Variants in VPS35L observed in about 807,000 individuals in gnomAD.
VPS35L encodes VPS35 endosomal protein-sorting factor-like.
VPS35L carries 83 observed loss-of-function variants against 133.0 expected under a neutral mutation model. The ratio of observed to expected loss-of-function variants is 0.62; its 90% confidence interval spans 0.52 to 0.75. The LOEUF (loss-of-function observed/expected upper bound fraction) is 0.75. Among genes scored for constraint, VPS35L ranks in the 30% least tolerant of loss-of-function variants. VPS35L has a pLI of 0.00. For missense variants in VPS35L, 1,083 were observed against 1,206.8 expected (o/e 0.90, Z 1.52); for synonymous variants, 423 against 449.9 (o/e 0.94, Z 0.76).
At chr16:19,623,331 C>G (rs115053644) in intron 14 of VPS35L, among the ~76,000 whole-genome samples, 1,530 of 152,310 alleles carry the variant, frequency 0.01, 22 homozygotes, top group African/African-American at 0.034. Context: ...GGCTTGGAAA[C>G]TGCCACCTTC....
At chr16:19,592,495 G>T (rs1460211306) in intron 8 of VPS35L, among the ~76,000 whole-genome samples, 3 of 151,964 alleles carry the variant, frequency 2.0e-5, no homozygotes, top group Admixed American at 2.0e-4. Flanking sequence ...ACTGAACTTG[G>T]CATCTGTTCC....
chr16:19,687,955 T>C (rs1975521561), intron 28 of VPS35L, among the ~76,000 whole-genome samples: 1 of 151,104 alleles, frequency 6.6e-6, no homozygotes, highest in Admixed American at 6.6e-5. Context: ...TCTACAAAAA[T>C]ACAAAATGTA....
At chr16:19,558,711 C>G (rs543023164) in intron 1 of VPS35L, among the ~76,000 whole-genome samples, 2 of 151,734 alleles carry the variant, frequency 1.3e-5, no homozygotes, top group African/African-American at 4.8e-5. Context: ...ACTTGATGTC[C>G]GGAGTTCAAG....
intron 1 of VPS35L, among the ~76,000 whole-genome samples, chr16:19,562,555 A>G (rs999228253): frequency 6.6e-6 from 1 of 152,170 alleles, no homozygotes; most frequent in Non-Finnish European, 1.5e-5. Flanking sequence ...ACGTTCTGTG[A>G]CTATGGTAGC....
At chr16:19,643,686 C>G (rs1233772496) in intron 22 of VPS35L, among the ~76,000 whole-genome samples, 5 of 152,240 alleles carry the variant, frequency 3.3e-5, no homozygotes, top group African/African-American at 1.2e-4. Flanking sequence ...TGTCTCACAC[C>G]TGTAATCCCA....
At chr16:19,561,151 C>T (rs142821568) in intron 1 of VPS35L, among the ~76,000 whole-genome samples, 7,314 of 152,170 alleles carry the variant, frequency 0.048, 220 homozygotes, top group African/African-American at 0.081. Flanking sequence ...GGGCAGATCA[C>T]GAGGTCGGGA....
intron 27 of VPS35L, among the ~76,000 whole-genome samples, chr16:19,681,428 C>T (rs1476904142): frequency 6.6e-6 from 1 of 152,174 alleles, no homozygotes; most frequent in Non-Finnish European, 1.5e-5. Flanking sequence ...GTTCTCCCCA[C>T]CTTAATGTGG....
In VPS35L at chr16:19,569,299, G is replaced by A. The variant is rs117430025; in HGVS notation, c.118-125G>A. ...AAAAACTAAGCATCCCCTGCAGATG[G>A]TTAAGTCTCTGCTGCAAATGAACCA... On this transcript the variant is annotated intron_variant, in intron 2 of 30. Coordinates refer to ENST00000417362, the MANE Select transcript of VPS35L (RefSeq NM_020314.7). 6,932 of 1,077,424 alleles carry A rather than the reference G, an allele frequency of 6.4e-3. 305 individuals carry two copies. The East Asian group carries it at 0.11, about 18-fold the overall frequency. The allele number at this position is 1,077,424 out of a possible 1,614,324, so 66.7% of individuals were successfully genotyped here.
chr16:19,650,264 G>T (rs1974082022), intron 24 of VPS35L, 118 bp from the exon 25 acceptor site: 1 of 834,084 alleles, frequency 1.2e-6, no homozygotes, highest in Non-Finnish European at 2.0e-6. Context: ...ACCAGTCTTG[G>T]TCCTAGAAAG....
At position 19,691,461 on chromosome 16, in the gene VPS35L, C is replaced by G; in HGVS notation, c.2636C>G (p.Ala879Gly). The G allele has an allele frequency of 1.2e-6, 2 of 1,613,498 alleles. No homozygotes were observed. The highest frequency in any genetic ancestry group is 1.7e-6 in the Non-Finnish European group (2 of 1,179,458). ...AQILEHLKTL[A>G]KDEALKRQSS... ...ATCCTAGAGCATCTGAAAACCCTGG[C>G]CAAGGACGAGGTGGGTGCCCTCTGC... The change falls in exon 29 of 31, where the codon GCC (alanine) becomes GGC (glycine). Residue 879 changes from alanine to glycine, a missense_variant. Coordinates refer to ENST00000417362, the MANE Select transcript of VPS35L (RefSeq NM_020314.7).
At chr16:19,573,644 C>T (rs1445743868) in intron 4 of VPS35L, among the ~76,000 whole-genome samples, 1 of 152,000 alleles carries the variant, frequency 6.6e-6, no homozygotes, top group East Asian at 1.9e-4. Flanking sequence ...CATAGTGAAA[C>T]CCCATCTCTA....
Position 19,569,492 on chromosome 16 carries a change from C to T in VPS35L, c.186C>T (p.Ser62=). 4.3e-6 allele frequency: 7 copies of T among 1,610,530 alleles called. No homozygotes were observed. Among genetic ancestry groups the T allele is most frequent in the Non-Finnish European group, 5.9e-6 (7 of 1,178,424 alleles). ...GSTSSTSSSS[S]SSVVDPLSSV... ...CTTCTTCCACGTCCTCCTCCTCCTC[C>T]AGCTCCGTGGTGGACCCGCTGAGCA... is the stretch of plus-strand genomic sequence containing the variant. Residue 62 remains serine (S), a synonymous_variant, in exon 3 of 31, where the codon TCC becomes TCT. Coordinates refer to ENST00000417362, the MANE Select transcript of VPS35L (RefSeq NM_020314.7).
intron 19 of VPS35L, among the ~76,000 whole-genome samples, chr16:19,634,414 T>G (rs1973558516): frequency 8.9e-6 from 1 of 112,838 alleles, no homozygotes; most frequent in African/African-American, 3.8e-5. Context: ...AGAGACACGG[T>G]CTCAAAAAAA....
chr16:19,651,793 TCA>T (rs1015180866), intron 25 of VPS35L, among the ~76,000 whole-genome samples, 181 bp from the exon 26 acceptor site: 13 of 152,268 alleles, frequency 8.5e-5, no homozygotes, highest in African/African-American at 3.1e-4. Flanking sequence ...CTCACTCCCC[TCA>T]CACCCCTGTC....
At position 19,664,676 on chromosome 16, in the gene VPS35L, G is replaced by A. The variant is rs184741895; in HGVS notation, c.2222-4484G>A. On this transcript the variant is annotated intron_variant, in intron 26 of 30. Transcript: ENST00000417362. The stretch of plus-strand genomic sequence containing the variant: ...AGCACTTTGGGAAGCCAAGGCAACC[G>A]GATCACCTGAGGCCAGGAGTTAAGA... 3.8e-3 allele frequency among the ~76,000 whole-genome samples: 573 copies of A among 152,052 alleles called. 3 individuals carry two copies. The highest frequency in any genetic ancestry group is 6.8e-3 in the Middle Eastern group (2 of 294).
At chr16:19,663,579 TTATACCTCAAA>T (rs1974559868) in intron 26 of VPS35L, among the ~76,000 whole-genome samples, 1 of 148,942 alleles carries the variant, frequency 6.7e-6, no homozygotes, top group Non-Finnish European at 1.5e-5. Flanking sequence ...ATAGATGTCT[TTATACCTCAAA>T]TATACCTCAA....
At chr16:19,614,066 G>A (rs72767572) in intron 12 of VPS35L, among the ~76,000 whole-genome samples, 1 of 152,036 alleles carries the variant, frequency 6.6e-6, no homozygotes, top group African/African-American at 2.4e-5. Flanking sequence ...ATTAAAGGAA[G>A]GTATGATTAA....
chr16:19,574,966 GT>G, intron 4 of VPS35L, 131 bp from the exon 5 acceptor site: 1 of 750,358 alleles, frequency 1.3e-6, no homozygotes, highest in Non-Finnish European at 2.1e-6. Context: ...ATCTCCAGTG[GT>G]TTTTAGTGAC....
At chr16:19,610,548 C>T (rs1165080844) in intron 12 of VPS35L, 133 bp downstream of exon 12, 1 of 555,772 alleles carries the variant, frequency 1.8e-6, no homozygotes, top group East Asian at 3.1e-5. Flanking sequence ...AATTTTAGAT[C>T]ATGGCTCTGC....
Sources: allele counts gnomAD v4.1 joint callset (sites outside exome capture counted in the v4.1 genomes callset), GRCh38; gene constraint gnomAD v4.1.1; transcripts MANE v1.5; gene names NCBI Gene and HGNC (gene_info 2026-07-23, HGNC 2026-07-21).